Variants in CPO observed in about 807,000 individuals in gnomAD.
The protein encoded by CPO is carboxypeptidase O.
Under a neutral mutation model 41.2 loss-of-function variants are expected in CPO, and 43 were observed. The observed-to-expected ratio is 1.04, with a 90% CI of 0.82 to 1.35. CPO has a LOEUF of 1.35. Ranked by LOEUF, CPO falls within the 40% of genes most tolerant of loss-of-function variation. The probability of loss-of-function intolerance (pLI) is 0.00; values close to 1 mark genes in which losing one functional copy is unlikely to be tolerated. For missense variants in CPO, 408 were observed against 451.7 expected, an observed-to-expected ratio of 0.90 and a Z score of 0.88; for synonymous variants, 178 against 162.7, an observed-to-expected ratio of 1.09 and a Z score of -0.72.
rs987608452 is a variant in CPO at position 206,962,634 on chromosome 2, G to T, written c.777+20G>T. ...GAAATGGTGAGTCCATAGCACCAAG[G>T]CCTCCAGAAAAACCTCAGCAAGACC... is the stretch of plus-strand genomic sequence containing the variant. On this transcript the variant is annotated intron_variant, in intron 7 of 8. Transcript: ENST00000272852. 5.6e-6 allele frequency: 9 copies of T among 1,599,424 alleles called. No individual in the cohort carries two copies. The highest frequency in any genetic ancestry group is 1.3e-5 in the African/African-American group (1 of 74,418).
intron 1 of CPO, among the ~76,000 whole-genome samples, chr2:206,944,199 A>C (rs1349216141): frequency 1.3e-5 from 2 of 152,096 alleles, no homozygotes; most frequent in African/African-American, 2.4e-5. Context: ...TGTAGTGCTC[A>C]GTAAGGGTTA....
chr2:206,962,656 G>A (rs769326737), intron 7 of CPO, 42 bp downstream of exon 7: 1 of 1,491,038 alleles, frequency 6.7e-7, no homozygotes. Flanking sequence ...ACCTCAGCAA[G>A]ACCTCTGCCT....
At chr2:206,962,099 CA>C (rs766647290) in intron 6 of CPO, among the ~76,000 whole-genome samples, 13,826 of 69,510 alleles carry the variant, frequency 0.2, 513 homozygotes, top group East Asian at 0.32. Flanking sequence ...GACTCTGTCT[CA>C]AAAAAAAAAA....
At chr2:206,951,789 T>C (rs899535969) in intron 2 of CPO, among the ~76,000 whole-genome samples, 3 of 152,364 alleles carry the variant, frequency 2.0e-5, no homozygotes, top group East Asian at 1.9e-4. Context: ...TCTTGTAGCA[T>C]TGTTGTGAGA....
chr2:206,957,818 T>A (rs1218247454), intron 3 of CPO, among the ~76,000 whole-genome samples: 1 of 152,116 alleles, frequency 6.6e-6, no homozygotes, highest in Admixed American at 6.5e-5. Flanking sequence ...GGAAGGGGAA[T>A]TTGTGTAATT....
rs1260832034 is a variant in CPO at position 206,949,728 on chromosome 2, A to G, written c.165+15A>G. On this transcript the variant is annotated intron_variant, in intron 2 of 8. Transcript: ENST00000272852. ...CCATGGGAGAGGTAAGGAAGGACAC[A>G]TGGCAGGAGGTTGGTGGTTGTCACA... 4.5e-6 allele frequency: 7 copies of G among 1,558,634 alleles called. No homozygotes were observed. In the South Asian group the frequency reaches 7.8e-5, roughly 17 times the overall value.
intron 7 of CPO, among the ~76,000 whole-genome samples, chr2:206,966,252 A>AT (rs1693574066): frequency 6.7e-6 from 1 of 149,974 alleles, no homozygotes; most frequent in Non-Finnish European, 1.5e-5. Context: ...AAAAAAAAAA[A>AT]GCAAGGAACC....
rs548850632 is a variant in CPO, at chr2:206,951,610, T to A, written c.165+1897T>A. Reference sequence around the variant, plus strand: ...GCAGTCACCCCAAAGTACTGAAAGTTCTACAATTTTGTAAAGGTCCAGTAT... The same window carrying A: ...GCAGTCACCCCAAAGTACTGAAAGTACTACAATTTTGTAAAGGTCCAGTAT... On this transcript the variant is annotated intron_variant, in intron 2 of 8. Coordinates refer to ENST00000272852, the MANE Select transcript of CPO (RefSeq NM_173077.3). Among the ~76,000 whole-genome samples, 12 of 152,374 alleles carry A rather than the reference T, an allele frequency of 7.9e-5. No homozygotes were observed. The South Asian group carries it at 1.7e-3, about 21-fold the overall frequency.
intron 5 of CPO, 32 bp downstream of exon 5, chr2:206,959,773 T>G: frequency 1.1e-6 from 1 of 943,726 alleles, no homozygotes; most frequent in Non-Finnish European, 1.7e-6. Context: ...CTGGGATGAG[T>G]TCATGAACTA....
At chr2:206,941,201 A>G (rs962029222) in intron 1 of CPO, among the ~76,000 whole-genome samples, 4 of 151,920 alleles carry the variant, frequency 2.6e-5, no homozygotes, top group African/African-American at 7.2e-5. Flanking sequence ...TTTATAATAT[A>G]TATATTCTAA....
chr2:206,968,670 A>C (rs1175399025), intron 8 of CPO, among the ~76,000 whole-genome samples: 1 of 152,220 alleles, frequency 6.6e-6, no homozygotes, highest in Non-Finnish European at 1.5e-5. Flanking sequence ...TTGGTCAGTC[A>C]ATTCAGTTCC....
intron 2 of CPO, among the ~76,000 whole-genome samples, chr2:206,952,568 C>T (rs545635448): frequency 6.4e-4 from 97 of 152,298 alleles, no homozygotes; most frequent in Middle Eastern, 3.4e-3. Context: ...CCCCAAATTA[C>T]GGACTTCCAG....
intron 2 of CPO, among the ~76,000 whole-genome samples, chr2:206,954,517 C>T (rs1229189582): frequency 2.0e-5 from 3 of 152,160 alleles, no homozygotes; most frequent in Non-Finnish European, 2.9e-5. Context: ...AGCCATTCAA[C>T]GAGTCTCTAG....
At chr2:206,967,581 G>T (rs1175862328) in intron 7 of CPO, among the ~76,000 whole-genome samples, 1 of 152,036 alleles carries the variant, frequency 6.6e-6, no homozygotes, top group East Asian at 1.9e-4. Flanking sequence ...AGAGGTAGGG[G>T]TCCCATGTGG....
chr2:206,964,456 A>G lies in CPO; in HGVS notation c.777+1842A>G, dbSNP rs750519560. On this transcript the variant is annotated intron_variant, in intron 7 of 8. Coordinates refer to ENST00000272852, the MANE Select transcript of CPO (RefSeq NM_173077.3). ...GTATAGAAATTGAAACTCTGAGTTA[A>G]CTTTATCATCAGAACTCTATAAATA... 3.3e-5 allele frequency among the ~76,000 whole-genome samples: 5 copies of G among 152,312 alleles called. No homozygotes were observed. The South Asian group carries it at 6.2e-4, about 19-fold the overall frequency.
chr2:206,959,200 A>G (rs1693432179), intron 4 of CPO, among the ~76,000 whole-genome samples: 1 of 152,236 alleles, frequency 6.6e-6, no homozygotes, highest in African/African-American at 2.4e-5. Context: ...CTTTAAAAGT[A>G]ATATAGAATA....
At chr2:206,955,907 T>C (rs12694071) in intron 3 of CPO, among the ~76,000 whole-genome samples, 65,191 of 152,022 alleles carry the variant, frequency 0.43, 14,355 homozygotes, top group Non-Finnish European at 0.48. Flanking sequence ...ATTTTGTTTA[T>C]ATTTTTAAAT....
chr2:206,951,583 T>C (rs1693264960), intron 2 of CPO, among the ~76,000 whole-genome samples: 1 of 152,342 alleles, frequency 6.6e-6, no homozygotes, highest in African/African-American at 2.4e-5. Flanking sequence ...CTTTCTTATA[T>C]AGCAGTCACC....
chr2:206,967,331 C>CTATATATATATATATATATATATA (rs200615925), intron 7 of CPO, among the ~76,000 whole-genome samples: 1 of 118,506 alleles, frequency 8.4e-6, no homozygotes, highest in African/African-American at 3.5e-5. Flanking sequence ...CTCTGAAATG[C>CTATATATATATATATATATATATA]TATATATATA....
Sources: allele counts gnomAD v4.1 joint callset (sites outside exome capture counted in the v4.1 genomes callset), GRCh38; gene constraint gnomAD v4.1.1; transcripts MANE v1.5; gene names NCBI Gene and HGNC (gene_info 2026-07-23, HGNC 2026-07-21).